THAP3: variants seen among roughly 807,000 people sequenced by gnomAD.
THAP3 encodes THAP domain-containing protein 3.
Under a neutral mutation model 17.7 loss-of-function variants are expected in THAP3, and 12 were observed. The observed-to-expected ratio is 0.68, with a 90% CI of 0.43 to 1.10. THAP3 has a LOEUF of 1.10. THAP3 is among the 50% of genes least tolerant of loss of function. The pLI is 0.00. For missense variants in THAP3, 289 were observed against 318.0 expected, an observed-to-expected ratio of 0.91 and a Z score of 0.69; for synonymous variants, 133 against 126.9, an observed-to-expected ratio of 1.05 and a Z score of -0.32.
At position 6,625,303 on chromosome 1, in the gene THAP3, G is replaced by A. The variant is rs1641433754; in HGVS notation, c.74+11G>A. 6.5e-7 allele frequency: 1 copy of A among 1,528,380 alleles called. No homozygotes were observed. The highest frequency in any genetic ancestry group is 8.8e-7 in the Non-Finnish European group (1 of 1,140,064). 94.7% of individuals were successfully genotyped at this position (1,528,380 alleles called of 1,614,324 possible). On this transcript the variant is annotated intron_variant, in intron 2 of 5. Coordinates refer to ENST00000054650, the MANE Select transcript of THAP3 (RefSeq NM_001195753.2). ...GCTCACCTTCCACCGGTAAGAGGCG[G>A]GGACCCGGGGGCGCGGGAGGCCCAG...
chr1:6,632,911 T>TA lies in THAP3; in HGVS notation c.555dup (p.Asp186ArgfsTer15), dbSNP rs749035916. 21 of 1,612,836 alleles carry TA rather than the reference T, an allele frequency of 1.3e-5. No individual in the cohort carries two copies. Among genetic ancestry groups the TA allele is most frequent in the South Asian group, 4.4e-5 (4 of 91,090 alleles). The stretch of plus-strand genomic sequence containing the variant: ...GATCACAGCTATGCCCTTTTGGACT[T>TA]AGATTCCCTGAAGAAAAAACTCTTC... On this transcript the variant is annotated frameshift_variant, in exon 6 of 6. Coordinates refer to ENST00000054650, the MANE Select transcript of THAP3 (RefSeq NM_001195753.2). LOFTEE classifies it low-confidence loss of function (END_TRUNC).
downstream of THAP3, chr1:6,633,653 A>G: frequency 1.0e-6 from 1 of 985,206 alleles, no homozygotes. Flanking sequence ...TCATGCCTGT[A>G]ATCCCAGCAC....
At chr1:6,634,493 C>A (rs566176860), downstream of THAP3, 9 of 1,338,582 alleles carry the variant, frequency 6.7e-6, no homozygotes, top group South Asian at 1.1e-4. Flanking sequence ...GGCTGGAGGC[C>A]GGCGCAGCTT....
Position 6,630,268 on chromosome 1 carries a change from T to C in THAP3, c.268-20T>C. On this transcript the variant is annotated intron_variant, in intron 3 of 5. Coordinates refer to ENST00000054650, the MANE Select transcript of THAP3 (RefSeq NM_001195753.2). ...GAGGGTTCTTGGGGTCTGCATCCAC[T>C]CTGTGTGTGTCTCTTGTAGCAGGTG... The C allele has an allele frequency of 6.2e-7, 1 of 1,613,512 alleles. No homozygotes were observed. Among genetic ancestry groups the C allele is most frequent in the Non-Finnish European group, 8.5e-7 (1 of 1,179,422 alleles).
Position 6,633,005 on chromosome 1 carries a change from G to A in THAP3, c.648G>A (p.Met216Ile), listed in dbSNP as rs1459750537. 1.2e-6 allele frequency: 2 copies of A among 1,612,548 alleles called. No individual in the cohort carries two copies. The highest frequency in any genetic ancestry group is 8.5e-7 in the Non-Finnish European group (1 of 1,179,808). ...CCCAGAGGCTGGTGATGCGAAGGAT[G>A]TCCAGCCGCCTCCGTGCTTGCAAAG... ...LQAQRLVMRR[M>I]SSRLRACKGH... The change falls in exon 6 of 6, where the codon ATG (methionine) becomes ATA (isoleucine). Residue 216 changes from methionine to isoleucine, a missense_variant. Physicochemically the swap from Met to Ile is conservative, Grantham distance 10. Transcript: ENST00000054650.
rs956451180 is a variant in THAP3, at chr1:6,633,171, C to G, written c.*94C>G. ...TGGACATTTTTGTCTGCTGTGGACA[C>G]TGAGAAAGTTGGCCATGAGGCCTGC... On this transcript the variant is annotated 3_prime_UTR_variant, in exon 6 of 6. Coordinates refer to ENST00000054650, the MANE Select transcript of THAP3 (RefSeq NM_001195753.2). 6.7e-7 allele frequency: 1 copy of G among 1,482,128 alleles called. No individual in the cohort carries two copies. Among genetic ancestry groups the G allele is most frequent in the Non-Finnish European group, 8.9e-7 (1 of 1,118,832 alleles). 91.8% of individuals were successfully genotyped at this position (1,482,128 alleles called of 1,614,324 possible).
chr1:6,634,643 C>T (rs763209518), downstream of THAP3: 11 of 1,366,400 alleles, frequency 8.1e-6, no homozygotes, highest in African/African-American at 8.9e-5. Flanking sequence ...AGGTCCAGGC[C>T]GTGGAGGGGG....
intron 3 of THAP3, 52 bp from the exon 4 acceptor site, chr1:6,630,236 G>A (rs931268507): frequency 9.7e-6 from 15 of 1,545,074 alleles, no homozygotes; most frequent in African/African-American, 2.7e-5. Flanking sequence ...GGCCTGCCCC[G>A]AGCTCTGAGG....
chr1:6,631,756 G>C (rs1321686952), intron 4 of THAP3, among the ~76,000 whole-genome samples: 1 of 152,164 alleles, frequency 6.6e-6, no homozygotes, highest in African/African-American at 2.4e-5. Context: ...ATTTAGCTGG[G>C]CATGGTGGTG....
Position 6,633,537 on chromosome 1 carries a change from G to T in THAP3, c.*460G>T. ...TCCTGTCCCGGCCTGGTGTGAGTGG[G>T]CAGTGTAATAAAGTGTCTTTCTATA... On this transcript the variant is annotated 3_prime_UTR_variant, in exon 6 of 6. Coordinates refer to ENST00000054650, the MANE Select transcript of THAP3 (RefSeq NM_001195753.2). 9.1e-7 allele frequency: 1 copy of T among 1,093,568 alleles called. No individual in the cohort carries two copies. 67.7% of individuals were successfully genotyped at this position (1,093,568 alleles called of 1,614,324 possible).
intron 2 of THAP3, among the ~76,000 whole-genome samples, 182 bp downstream of exon 2, chr1:6,625,474 G>A (rs890604325): frequency 1.2e-4 from 18 of 151,786 alleles, no homozygotes; most frequent in Admixed American, 3.3e-4. Flanking sequence ...TGCGGGGAGT[G>A]GCGGACGGAG....
downstream of THAP3, chr1:6,634,615 G>A (rs778348115): frequency 2.1e-5 from 29 of 1,366,316 alleles, no homozygotes; most frequent in African/African-American, 1.3e-4. Flanking sequence ...CAGGCCTCAC[G>A]TAACTTTACT....
intron 3 of THAP3, 104 bp downstream of exon 3, chr1:6,628,795 A>G (rs1484142628): frequency 8.2e-7 from 1 of 1,213,302 alleles, no homozygotes; most frequent in East Asian, 2.6e-5. Flanking sequence ...AGCCAAGGCC[A>G]AGAACTCCAG....
chr1:6,628,929 C>T (rs370971396), intron 3 of THAP3, among the ~76,000 whole-genome samples: 23 of 152,276 alleles, frequency 1.5e-4, no homozygotes, highest in East Asian at 1.4e-3. Context: ...TGGCTGGGTG[C>T]GGTGGCTCAC....
At chr1:6,634,718 C>T (rs773360027), downstream of THAP3, 19 of 1,362,392 alleles carry the variant, frequency 1.4e-5, no homozygotes, top group East Asian at 9.2e-5. Flanking sequence ...AGGAAGGCTC[C>T]GGAGCACAGG....
Position 6,632,391 on chromosome 1 carries a change from G to C in THAP3, c.334G>C (p.Val112Leu), listed in dbSNP as rs1223595593. ...GCAGACTTCACCCTGCCGTTCCCAG[G>C]TCCTCCCTGAGGCGGGGGCCGGAGA... ...GNASSSQKEK[V>L]LPEAGAGEDS... The change falls in exon 5 of 6, where the codon GTC becomes CTC. Residue 112 changes from valine to leucine, a missense_variant and splice_region_variant. By Grantham distance (32) the Val-to-Leu change is conservative. Coordinates refer to ENST00000054650, the MANE Select transcript of THAP3 (RefSeq NM_001195753.2). 1 of 1,613,582 alleles carries C rather than the reference G, an allele frequency of 6.2e-7. No individual in the cohort carries two copies. Among genetic ancestry groups the C allele is most frequent in the Non-Finnish European group, 8.5e-7 (1 of 1,179,932 alleles).
At chr1:6,626,317 A>G (rs1336273806) in intron 2 of THAP3, among the ~76,000 whole-genome samples, 1 of 151,882 alleles carries the variant, frequency 6.6e-6, no homozygotes, top group Non-Finnish European at 1.5e-5. Context: ...CAAAATAAGA[A>G]ATAAAACATC....
At chr1:6,634,453 G>A (rs1043703), downstream of THAP3, 3 of 1,293,704 alleles carry the variant, frequency 2.3e-6, no homozygotes, top group Admixed American at 6.9e-5. Flanking sequence ...GCTGGGGAGG[G>A]AGGCCTGACT....
Position 6,630,364 on chromosome 1 carries a change from C to T in THAP3, c.333+11C>T, listed in dbSNP as rs112556832. On this transcript the variant is annotated intron_variant, in intron 4 of 5. Transcript: ENST00000054650. ...TCTCAGAAAGAAAAGGTGAGTGCAC[C>T]GGGCCAGGTACTTGAATGTTTAAAT... is the stretch of plus-strand genomic sequence containing the variant. 903 of 1,613,564 alleles carry T rather than the reference C, an allele frequency of 5.6e-4. 6 individuals carry two copies. The African/African-American group carries it at 0.01, about 19-fold the overall frequency.
Sources: allele counts gnomAD v4.1 joint callset (sites outside exome capture counted in the v4.1 genomes callset), GRCh38; gene constraint gnomAD v4.1.1; transcripts MANE v1.5; gene names NCBI Gene and HGNC (gene_info 2026-07-23, HGNC 2026-07-21).